The following ADGRB1 variants were observed in gnomAD, a reference collection of about 807,000 sequenced individuals.
The protein encoded by ADGRB1 is adhesion G protein-coupled receptor B1, also known as brain-specific angiogenesis inhibitor 1.
In ADGRB1, 36 loss-of-function variants were observed where a neutral mutation model predicts 175.7. The observed-to-expected ratio is 0.20, with a 90% CI of 0.16 to 0.27. ADGRB1 has a LOEUF of 0.27. Among genes scored for constraint, ADGRB1 ranks in the 10% least tolerant of loss-of-function variants. ADGRB1 has a pLI of 1.00. For synonymous variants in ADGRB1, 1,054 were observed against 979.4 expected (o/e 1.08, Z -1.42); for missense variants, 1,731 against 2,255.3 (o/e 0.77, Z 4.71).
chr8:142,534,191 C>A (rs2132233792), intron 25 of ADGRB1, among the ~76,000 whole-genome samples: 1 of 152,356 alleles, frequency 6.6e-6, no homozygotes, highest in East Asian at 1.9e-4. Context: ...ACAGCCCAGG[C>A]TTCGGCCAGC....
intron 24 of ADGRB1, among the ~76,000 whole-genome samples, chr8:142,532,803 C>T (rs555406576): frequency 6.6e-6 from 1 of 152,114 alleles, no homozygotes; most frequent in East Asian, 1.9e-4. Flanking sequence ...CCAGGGGATC[C>T]TCCTTGGCGC....
At chr8:142,451,494 C>G (rs887013521) in intron 1 of ADGRB1, among the ~76,000 whole-genome samples, 5 of 152,110 alleles carry the variant, frequency 3.3e-5, no homozygotes, top group Non-Finnish European at 7.4e-5. Context: ...GCTGCAACTC[C>G]GGAGTAGTTG....
intron 2 of ADGRB1, among the ~76,000 whole-genome samples, chr8:142,466,258 G>T (rs1840271115): frequency 6.6e-6 from 1 of 152,146 alleles, no homozygotes; most frequent in Non-Finnish European, 1.5e-5. Flanking sequence ...CAGGGGCCTT[G>T]ACTTTTCTGG....
At chr8:142,525,137 G>T (rs1396412834) in intron 23 of ADGRB1, among the ~76,000 whole-genome samples, 1 of 152,128 alleles carries the variant, frequency 6.6e-6, no homozygotes, top group African/African-American at 2.4e-5. Context: ...GGGGTGATGG[G>T]GAGCTAGCCC....
Position 142,464,472 on chromosome 8 carries a change from C to A in ADGRB1, c.274C>A (p.Pro92Thr). 1 of 1,582,130 alleles carries A rather than the reference C, an allele frequency of 6.3e-7. No individual in the cohort carries two copies. Among genetic ancestry groups the A allele is most frequent in the Non-Finnish European group, 8.6e-7 (1 of 1,168,694 alleles). The change falls in exon 2 of 31, where the codon CCC (proline) becomes ACC (threonine). Residue 92 changes from proline to threonine, a missense_variant. Pro to Thr is a conservative substitution (Grantham distance 38). Coordinates refer to ENST00000517894, the MANE Select transcript of ADGRB1 (RefSeq NM_001702.3). ...CATGAAGGTGGCCAAGGCGCCCGTG[C>A]CCTGCAGCGGCCCCGGCCGCGTGCG... The part of the protein sequence containing the change: ...LYMKVAKAPV[P>T]CSGPGRVRTY...
chr8:142,537,307 G>A lies in ADGRB1; in HGVS notation c.3666+225G>A, dbSNP rs1323595882. 6.6e-6 allele frequency among the ~76,000 whole-genome samples: 1 copy of A among 152,050 alleles called. No homozygotes were observed. The highest frequency in any genetic ancestry group is 1.5e-5 in the Non-Finnish European group (1 of 67,980). ...TGAGCTGATGAGTTTGGAGGTCTCA[G>A]CGGAGGCTGGCATCCACCCCACACT... On this transcript the variant is annotated intron_variant, in intron 26 of 30. Coordinates refer to ENST00000517894, the MANE Select transcript of ADGRB1 (RefSeq NM_001702.3). This position sits in a 1 kb window ranked among gnomAD's most constrained non-coding sequence, Gnocchi z 4.6.
rs1429842752 is a variant in ADGRB1, at chr8:142,452,941, C to A, written c.-220+2837C>A. 3.5e-4 allele frequency among the ~76,000 whole-genome samples: 52 copies of A among 147,830 alleles called. 2 individuals carry two copies. In the South Asian group the frequency reaches 9.3e-3, roughly 26 times the overall value. ...AGAGGGCGCCCGCACCGCGCCCGCG[C>A]GGCCCTGCCCGCCCCTTCCGTCTCC... On this transcript the variant is annotated intron_variant, in intron 1 of 30. Transcript: ENST00000517894.
rs886712946 is a variant in ADGRB1, at chr8:142,452,290, G to C, written c.-220+2186G>C. 4.6e-5 allele frequency among the ~76,000 whole-genome samples: 7 copies of C among 152,326 alleles called. No individual in the cohort carries two copies. The East Asian group carries it at 1.4e-3, about 30-fold the overall frequency. On this transcript the variant is annotated intron_variant, in intron 1 of 30. Transcript: ENST00000517894. ...GCGCCAGAGAGGCGCGCGGCTCCGCGGGTGGGCGCTGCGCTGGGGGGCTCG... is the reference window on the plus strand; with the variant it reads ...GCGCCAGAGAGGCGCGCGGCTCCGCCGGTGGGCGCTGCGCTGGGGGGCTCG...
intron 24 of ADGRB1, among the ~76,000 whole-genome samples, chr8:142,532,135 CCT>C (rs774055117): frequency 3.8e-4 from 58 of 152,262 alleles, no homozygotes; most frequent in Admixed American, 1.7e-3. Flanking sequence ...CCCAGCTCCC[CCT>C]GTGTAGGAGG....
intron 25 of ADGRB1, among the ~76,000 whole-genome samples, chr8:142,533,766 C>G (rs570288191): frequency 3.3e-5 from 5 of 152,164 alleles, no homozygotes; most frequent in African/African-American, 1.2e-4. Flanking sequence ...AAGGGGCCTA[C>G]AGGAGTGAGG....
At chr8:142,490,632 C>T (rs944948847) in intron 16 of ADGRB1, 140 bp from the exon 17 acceptor site, 1 of 979,048 alleles carries the variant, frequency 1.0e-6, no homozygotes, top group South Asian at 1.6e-5. Context: ...TCAGTTTCCT[C>T]CTCGCAAAAC....
At chr8:142,489,663 A>T (rs1587327541) in intron 16 of ADGRB1, among the ~76,000 whole-genome samples, 1 of 151,466 alleles carries the variant, frequency 6.6e-6, no homozygotes, top group South Asian at 2.1e-4. Flanking sequence ...TCTGTGCCTG[A>T]CTCCCCACCT....
At chr8:142,457,870 G>T (rs908139800) in intron 1 of ADGRB1, among the ~76,000 whole-genome samples, 23 of 152,176 alleles carry the variant, frequency 1.5e-4, no homozygotes, top group African/African-American at 5.3e-4. Flanking sequence ...GACCTCACAG[G>T]TGGGGGACCG....
intron 21 of ADGRB1, among the ~76,000 whole-genome samples, chr8:142,522,373 C>G (rs767382199): frequency 6.6e-6 from 1 of 152,310 alleles, no homozygotes; most frequent in East Asian, 1.9e-4. Context: ...TTGGGAGGTA[C>G]ATTTACAAAA....
chr8:142,450,273 TA>T (rs1839260025), intron 1 of ADGRB1, among the ~76,000 whole-genome samples, 169 bp downstream of exon 1: 1 of 129,966 alleles, frequency 7.7e-6, no homozygotes, highest in African/African-American at 3.0e-5. Context: ...CCCCACCCCC[TA>T]CCCCCTCAGC....
At chr8:142,502,273 G>GGTA (rs1232053489) in intron 17 of ADGRB1, among the ~76,000 whole-genome samples, 23 of 144,470 alleles carry the variant, frequency 1.6e-4, no homozygotes, top group Middle Eastern at 3.7e-3. Flanking sequence ...ATGGGGTGGC[G>GGTA]GTAATGATTG....
At chr8:142,495,931 G>C (rs1236584990) in intron 17 of ADGRB1, among the ~76,000 whole-genome samples, 1 of 96,002 alleles carries the variant, frequency 1.0e-5, no homozygotes, top group African/African-American at 3.9e-5. Context: ...GGGCGGGTGG[G>C]TGGATGGATA....
chr8:142,450,034 C>T lies in ADGRB1; in HGVS notation c.-290C>T, dbSNP rs904893119. 1 of 149,590 alleles carries T rather than the reference C, an allele frequency of 6.7e-6. No homozygotes were observed. Among genetic ancestry groups the T allele is most frequent in the African/African-American group, 2.4e-5 (1 of 40,950 alleles). 9.3% of individuals were successfully genotyped at this position (149,590 alleles called of 1,614,324 possible). On this transcript the variant is annotated 5_prime_UTR_variant, in exon 1 of 31. Transcript: ENST00000517894. ...GCGCCCGGCTCAGCCGCCGGCGACG[C>T]GAGGCGCTCGCGGGGATTTGCAACT...
intron 24 of ADGRB1, among the ~76,000 whole-genome samples, chr8:142,530,418 A>G (rs1415680983): frequency 6.6e-6 from 1 of 152,058 alleles, no homozygotes; most frequent in African/African-American, 2.4e-5. Flanking sequence ...CTGAGGGGTC[A>G]TTTCGTCCGT....
Sources: gnomAD v4.1 joint callset for allele counts (sites outside exome capture counted in the v4.1 genomes callset) on GRCh38, gnomAD v4.1.1 for gene constraint, Gnocchi (gnomAD v3.1) non-coding constraint, MANE v1.5 for transcripts, NCBI Gene and HGNC (gene_info 2026-07-23, HGNC 2026-07-21) for gene names.